Variants in XXYLT1 observed in about 807,000 individuals in gnomAD.
XXYLT1 encodes the protein UDP-xylose:alpha-xyloside alpha-1,3-xylosyltransferase.
Under a neutral mutation model 28.9 loss-of-function variants are expected in XXYLT1, and 20 were observed. That is an observed-to-expected ratio of 0.69 (90% CI 0.49 to 1.00). The LOEUF (loss-of-function observed/expected upper bound fraction) is 1.00. XXYLT1 is among the 50% of genes least tolerant of loss of function. The pLI is 0.00. For synonymous variants in XXYLT1, 257 were observed against 253.8 expected, an observed-to-expected ratio of 1.01 and a Z score of -0.12; for missense variants, 542 against 560.1, an observed-to-expected ratio of 0.97 and a Z score of 0.33.
chr3:195,110,332 T>TGTCTGTACGTG (rs1267429080), intron 3 of XXYLT1, among the ~76,000 whole-genome samples: 4,358 of 7,748 alleles, frequency 0.56, 785 homozygotes, highest in Non-Finnish European at 0.6. Flanking sequence ...GGGTGAGGTG[T>TGTCTGTACGTG]GTGTATGTGT....
At chr3:195,084,322 C>T (rs541080982) in intron 3 of XXYLT1, among the ~76,000 whole-genome samples, 29 of 152,018 alleles carry the variant, frequency 1.9e-4, no homozygotes, top group African/African-American at 6.3e-4. Flanking sequence ...TGCTCCCTGC[C>T]CCAGGGATAC....
At chr3:195,075,420 G>A (rs1048974799) in intron 3 of XXYLT1, among the ~76,000 whole-genome samples, 5 of 152,190 alleles carry the variant, frequency 3.3e-5, no homozygotes, top group Non-Finnish European at 5.9e-5. Context: ...GGCCTGTCCA[G>A]GGTCACGCTG....
intron 3 of XXYLT1, among the ~76,000 whole-genome samples, chr3:195,107,152 G>A (rs1717141647): frequency 6.6e-6 from 1 of 151,916 alleles, no homozygotes; most frequent in South Asian, 2.1e-4. Flanking sequence ...TCAGCAAGAC[G>A]AAAAGCTGAG....
At chr3:195,198,854 C>G (rs1219352098) in intron 2 of XXYLT1, among the ~76,000 whole-genome samples, 1 of 152,188 alleles carries the variant, frequency 6.6e-6, no homozygotes, top group Non-Finnish European at 1.5e-5. Context: ...TATCCCTCCC[C>G]TCACCACTGA....
At chr3:195,072,417 T>A (rs968485059) in intron 3 of XXYLT1, among the ~76,000 whole-genome samples, 2 of 152,176 alleles carry the variant, frequency 1.3e-5, no homozygotes, top group African/African-American at 4.8e-5. Flanking sequence ...CTCCCAAATC[T>A]TCTGTGTCTG....
chr3:195,132,734 C>T (rs964201234), intron 3 of XXYLT1, among the ~76,000 whole-genome samples: 4 of 152,168 alleles, frequency 2.6e-5, no homozygotes, highest in Non-Finnish European at 5.9e-5. Context: ...TGGAGATTTG[C>T]AACTGACACC....
intron 2 of XXYLT1, among the ~76,000 whole-genome samples, chr3:195,208,387 G>A (rs1425014903): frequency 2.6e-5 from 4 of 152,050 alleles, no homozygotes; most frequent in African/African-American, 9.7e-5. Flanking sequence ...CAGCCCACCT[G>A]CCCACTGCCC....
chr3:195,108,496 C>T (rs1000500284), intron 3 of XXYLT1, among the ~76,000 whole-genome samples: 6 of 151,574 alleles, frequency 4.0e-5, no homozygotes, highest in African/African-American at 1.4e-4. Context: ...AAACAACACA[C>T]ATATACAGTC....
At position 195,071,800 on chromosome 3, in the gene XXYLT1, C is replaced by T. The variant is rs569058984; in HGVS notation, c.786-1689G>A. 4.6e-5 allele frequency among the ~76,000 whole-genome samples: 7 copies of T among 152,238 alleles called. No individual in the cohort carries two copies. In the South Asian group the frequency reaches 1.0e-3, roughly 23 times the overall value. On this transcript the variant is annotated intron_variant, in intron 3 of 3. Coordinates refer to ENST00000310380, the MANE Select transcript of XXYLT1 (RefSeq NM_152531.5). ...TACCAGGCAGACCAGGGCACCATGA[C>T]ATCAGAGAGGAGGGACCCTCTGACT...
intron 1 of XXYLT1, among the ~76,000 whole-genome samples, chr3:195,267,951 CT>C (rs1432106366): frequency 6.6e-6 from 1 of 152,128 alleles, no homozygotes; most frequent in Non-Finnish European, 1.5e-5. Context: ...AAAAAGAGCA[CT>C]TTTCATCACA....
In XXYLT1 at chr3:195,269,261, G is replaced by A. The variant is rs141966882; in HGVS notation, c.504+1294C>T. ...CTGACCCTATGGCCAAGGGCCCTCA[G>A]TTTTCTACCGTGAACTAGTGCAAAG... is the stretch of plus-strand genomic sequence containing the variant. On this transcript the variant is annotated intron_variant, in intron 1 of 3. Coordinates refer to ENST00000310380, the MANE Select transcript of XXYLT1 (RefSeq NM_152531.5). 1.1e-4 allele frequency among the ~76,000 whole-genome samples: 16 copies of A among 152,324 alleles called. No individual in the cohort carries two copies. In the East Asian group the frequency reaches 2.3e-3, roughly 22 times the overall value.
rs1025224631 is a variant in XXYLT1 at position 195,257,451 on chromosome 3, G to A, written c.504+13104C>T. ...GGTAGGTCCCCACATAACTGGCACC[G>A]TCCGAGCTTCATCATGAAAGGCGAG... On this transcript the variant is annotated intron_variant, in intron 1 of 3. Coordinates refer to ENST00000310380, the MANE Select transcript of XXYLT1 (RefSeq NM_152531.5). This position sits in a 1 kb window ranked among gnomAD's most constrained non-coding sequence, Gnocchi z 4.3. Among the ~76,000 whole-genome samples the A allele has an allele frequency of 5.3e-5, 8 of 152,336 alleles. No homozygotes were observed. The highest frequency in any genetic ancestry group is 1.9e-4 in the East Asian group (1 of 5,190).
At chr3:195,270,488 C>CGT in intron 1 of XXYLT1, 67 bp downstream of exon 1, 2 of 1,351,618 alleles carry the variant, frequency 1.5e-6, no homozygotes, top group African/African-American at 3.1e-5. Context: ...CCTCCGGGAG[C>CGT]GCAAACTGAC....
chr3:195,179,904 C>T (rs6807333), intron 2 of XXYLT1, among the ~76,000 whole-genome samples: 4,446 of 152,274 alleles, frequency 0.029, 213 homozygotes, highest in African/African-American at 0.1. Context: ...GTGACTGATG[C>T]GTGGGCCCCT....
chr3:195,145,873 G>A (rs1042258483), intron 3 of XXYLT1, among the ~76,000 whole-genome samples: 4 of 152,204 alleles, frequency 2.6e-5, no homozygotes, highest in Admixed American at 2.0e-4. Context: ...ACTCCTTTGG[G>A]CAGCTCCTTG....
At position 195,226,835 on chromosome 3, in the gene XXYLT1, C is replaced by G; in HGVS notation, c.526G>C (p.Val176Leu). Residue 176 changes from valine (V) to leucine (L), a missense_variant, in exon 2 of 4, where the codon GTG (valine) becomes CTG (leucine). Coordinates refer to ENST00000310380, the MANE Select transcript of XXYLT1 (RefSeq NM_152531.5). ...ATGGGGAAGAGCTTATCCGTCAGCACAGCAACATCGTGGAAGATGACCTGC... is the reference window on the plus strand; with the variant it reads ...ATGGGGAAGAGCTTATCCGTCAGCAGAGCAACATCGTGGAAGATGACCTGC... Reference protein sequence around the residue: ...KCKVIFHDVAVLTDKLFPIVE... With the variant: ...KCKVIFHDVALLTDKLFPIVE... 6.2e-7 allele frequency: 1 copy of G among 1,613,646 alleles called. No individual in the cohort carries two copies. Among genetic ancestry groups the G allele is most frequent in the Non-Finnish European group, 8.5e-7 (1 of 1,179,922 alleles).
chr3:195,072,466 G>C (rs144459418), intron 3 of XXYLT1, among the ~76,000 whole-genome samples: 7 of 152,300 alleles, frequency 4.6e-5, no homozygotes, highest in Non-Finnish European at 1.0e-4. Context: ...CACTGAGCTC[G>C]CTGGGCTCAG....
intron 2 of XXYLT1, among the ~76,000 whole-genome samples, chr3:195,164,237 G>A (rs1721006194): frequency 6.6e-6 from 1 of 152,218 alleles, no homozygotes. Flanking sequence ...GTCACTAGTG[G>A]CAAGATGGGA....
intron 3 of XXYLT1, among the ~76,000 whole-genome samples, chr3:195,088,320 G>C (rs1415909214): frequency 1.3e-5 from 2 of 149,540 alleles, no homozygotes; most frequent in Non-Finnish European, 3.0e-5. Flanking sequence ...GGTTCTCCCA[G>C]CACGCAGCTG....
Sources: gnomAD v4.1 joint callset for allele counts (sites outside exome capture counted in the v4.1 genomes callset) on GRCh38, gnomAD v4.1.1 for gene constraint, Gnocchi (gnomAD v3.1) non-coding constraint, MANE v1.5 for transcripts, NCBI Gene and HGNC (gene_info 2026-07-23, HGNC 2026-07-21) for gene names.